Variants in RBFOX1 observed in about 807,000 individuals in gnomAD.
RBFOX1 encodes the protein RNA binding protein fox-1 homolog 1.
In RBFOX1, 8 loss-of-function variants were observed where a neutral mutation model predicts 57.7. The observed-to-expected ratio is 0.14, with a 90% CI of 0.08 to 0.25. The LOEUF is 0.25. Ranked by LOEUF, RBFOX1 falls within the 10% of genes least tolerant of loss-of-function variation. The pLI is 1.00. For synonymous variants in RBFOX1, 326 were observed against 222.4 expected (o/e 1.47, Z -4.15); for missense variants, 611 against 548.5 (o/e 1.11, Z -1.14).
intron 1 of RBFOX1, among the ~76,000 whole-genome samples, chr16:6,163,998 AC>A (rs1210562583): frequency 6.6e-6 from 1 of 152,232 alleles, no homozygotes; most frequent in Non-Finnish European, 1.5e-5. Flanking sequence ...ACATATTGTC[AC>A]AGAGTTACAT....
chr16:6,305,681 T>C (rs766424310), intron 1 of RBFOX1, among the ~76,000 whole-genome samples: 3 of 151,390 alleles, frequency 2.0e-5, no homozygotes, highest in African/African-American at 7.3e-5. Context: ...CCTCATTTGA[T>C]CATGGGGAGA....
At chr16:5,554,263 G>T (rs1361430908) in intron 2 of RBFOX1, among the ~76,000 whole-genome samples, 1 of 152,042 alleles carries the variant, frequency 6.6e-6, no homozygotes, top group Non-Finnish European at 1.5e-5. Context: ...GAGCCACAAT[G>T]CCTGGCCTTT....
chr16:6,637,820 G>A (rs977976229), intron 2 of RBFOX1, among the ~76,000 whole-genome samples: 5 of 151,904 alleles, frequency 3.3e-5, no homozygotes, highest in Non-Finnish European at 7.4e-5. Flanking sequence ...TCCAAATCTT[G>A]GAGGTCCTTT....
At chr16:6,910,384 CAA>C (rs2071255251) in intron 3 of RBFOX1, among the ~76,000 whole-genome samples, 1 of 152,174 alleles carries the variant, frequency 6.6e-6, no homozygotes, top group South Asian at 2.1e-4. Context: ...TCCACACACA[CAA>C]AGAGGAGAGC....
At chr16:6,390,012 C>T (rs2092514867) in intron 2 of RBFOX1, among the ~76,000 whole-genome samples, 1 of 152,130 alleles carries the variant, frequency 6.6e-6, no homozygotes, top group Non-Finnish European at 1.5e-5. Context: ...TGTGTTTGGG[C>T]TAAATTGCTT....
At chr16:5,626,315 C>T (rs903343735) in intron 3 of RBFOX1, among the ~76,000 whole-genome samples, 2 of 152,108 alleles carry the variant, frequency 1.3e-5, no homozygotes, top group African/African-American at 2.4e-5. Context: ...TGTGGATGAC[C>T]GTCTTCTCCC....
At chr16:6,827,754 T>A (rs2092333347) in intron 3 of RBFOX1, among the ~76,000 whole-genome samples, 1 of 152,158 alleles carries the variant, frequency 6.6e-6, no homozygotes, top group Admixed American at 6.5e-5. Context: ...TCCGGTCACC[T>A]CCATCACTCT....
At chr16:6,274,871 G>A (rs565540528) in intron 1 of RBFOX1, among the ~76,000 whole-genome samples, 5 of 152,188 alleles carry the variant, frequency 3.3e-5, no homozygotes, top group Non-Finnish European at 7.3e-5. Context: ...TTCTTTTTAA[G>A]AAGAAGAGTT....
chr16:7,543,075 G>A (rs2083401641), intron 5 of RBFOX1, among the ~76,000 whole-genome samples: 1 of 152,082 alleles, frequency 6.6e-6, no homozygotes. Context: ...AGGTTAGGTG[G>A]ACCAAGCATG....
chr16:6,005,944 G>A (rs1398676984), intron 4 of RBFOX1, among the ~76,000 whole-genome samples: 1 of 152,222 alleles, frequency 6.6e-6, no homozygotes. Flanking sequence ...GTCATTCTTT[G>A]TGGGTGAAAT....
intron 3 of RBFOX1, among the ~76,000 whole-genome samples, chr16:6,909,802 G>A (rs11077107): frequency 2.0e-5 from 3 of 151,850 alleles, no homozygotes; most frequent in Admixed American, 6.6e-5. Flanking sequence ...TGCAGCCATC[G>A]GTCTTCTGTT....
chr16:6,841,929 G>C (rs1249877991), intron 3 of RBFOX1, among the ~76,000 whole-genome samples: 1 of 151,754 alleles, frequency 6.6e-6, no homozygotes, highest in African/African-American at 2.4e-5. Context: ...ACGAGGTCAG[G>C]AGATCGAGAC....
At chr16:7,264,299 C>A (rs1218560654) in intron 4 of RBFOX1, among the ~76,000 whole-genome samples, 2 of 152,160 alleles carry the variant, frequency 1.3e-5, no homozygotes, top group African/African-American at 2.4e-5. Context: ...AGCTGATAGG[C>A]ACTAAAGCAA....
intron 7 of RBFOX1, among the ~76,000 whole-genome samples, chr16:7,594,456 T>C (rs1174323997): frequency 6.6e-6 from 1 of 152,200 alleles, no homozygotes; most frequent in Non-Finnish European, 1.5e-5. Flanking sequence ...TTGGTGTATA[T>C]TTCTGAACAA....
intron 2 of RBFOX1, among the ~76,000 whole-genome samples, chr16:6,529,555 A>AAAT (rs1050051035): frequency 7.5e-6 from 1 of 133,656 alleles, no homozygotes; most frequent in African/African-American, 2.8e-5. Context: ...ACTCCATCTC[A>AAAT]AATAATAATA....
intron 4 of RBFOX1, among the ~76,000 whole-genome samples, chr16:7,135,647 C>G (rs75298372): frequency 2.3e-3 from 352 of 152,342 alleles, no homozygotes; most frequent in African/African-American, 7.7e-3. Flanking sequence ...CGCGGCATCC[C>G]TGAAGAATAT....
intron 1 of RBFOX1, among the ~76,000 whole-genome samples, chr16:5,397,279 G>C (rs1474938560): frequency 5.9e-5 from 9 of 152,230 alleles, no homozygotes; most frequent in South Asian, 2.1e-4. Flanking sequence ...TTGAACTCAG[G>C]TGCTCCAAAC....
At chr16:5,616,837 T>C (rs2048041421) in intron 3 of RBFOX1, among the ~76,000 whole-genome samples, 1 of 148,684 alleles carries the variant, frequency 6.7e-6, no homozygotes, top group Non-Finnish European at 1.5e-5. Context: ...TTCTCTTTCT[T>C]CTCCTCCTTT....
chr16:5,283,508 A>C (rs2063321859), intron 1 of RBFOX1, among the ~76,000 whole-genome samples: 2 of 152,030 alleles, frequency 1.3e-5, no homozygotes, highest in African/African-American at 4.8e-5. Flanking sequence ...TACCCTACAA[A>C]GCCACAGGAG....
Sources: allele counts gnomAD v4.1 joint callset (sites outside exome capture counted in the v4.1 genomes callset), GRCh38; gene constraint gnomAD v4.1.1; transcripts MANE v1.5; gene names NCBI Gene and HGNC (gene_info 2026-07-23, HGNC 2026-07-21).